The following CDC42SE2 variants were observed in gnomAD, a reference collection of about 807,000 sequenced individuals.
CDC42SE2 encodes CDC42 small effector 2.
Under a neutral mutation model 11.5 loss-of-function variants are expected in CDC42SE2, and 3 were observed. The observed-to-expected ratio is 0.26, with a 90% CI of 0.12 to 0.67. The LOEUF is 0.67. CDC42SE2 is among the 30% of genes least tolerant of loss of function. CDC42SE2 has a pLI of 0.80. For missense variants in CDC42SE2, 82 were observed against 106.8 expected (o/e 0.77, Z 1.02); for synonymous variants, 33 against 34.8 (o/e 0.95, Z 0.18).
At chr5:131,291,066 A>G (rs1454445385) in intron 1 of CDC42SE2, among the ~76,000 whole-genome samples, 1 of 152,154 alleles carries the variant, frequency 6.6e-6, no homozygotes. Flanking sequence ...AAATATTTAT[A>G]AGTGTGCCTG....
At chr5:131,322,432 G>T (rs1758211780) in intron 2 of CDC42SE2, among the ~76,000 whole-genome samples, 1 of 152,132 alleles carries the variant, frequency 6.6e-6, no homozygotes, top group African/African-American at 2.4e-5. Context: ...ATGTTTTTGT[G>T]ACTGGCTTAT....
intron 3 of CDC42SE2, among the ~76,000 whole-genome samples, chr5:131,375,876 GATT>G (rs1330701996): frequency 6.6e-6 from 1 of 152,020 alleles, no homozygotes; most frequent in African/African-American, 2.4e-5. Flanking sequence ...TATCAACTCA[GATT>G]ACCACCCATG....
intron 2 of CDC42SE2, among the ~76,000 whole-genome samples, chr5:131,345,572 T>A (rs1432657792): frequency 6.6e-6 from 1 of 152,148 alleles, no homozygotes. Context: ...TGGAAAACAC[T>A]CTGCAGGGTA....
Position 131,391,198 on chromosome 5 carries a change from A to G in CDC42SE2, c.*107A>G, listed in dbSNP as rs1410525418. 2.3e-6 allele frequency: 1 copy of G among 425,946 alleles called. No individual in the cohort carries two copies. The highest frequency in any genetic ancestry group is 5.0e-5 in the East Asian group (1 of 19,952). 26.4% of individuals were successfully genotyped at this position (425,946 alleles called of 1,614,324 possible). On this transcript the variant is annotated 3_prime_UTR_variant, in exon 5 of 5. Transcript: ENST00000505065. Reference sequence around the variant, plus strand: ...ATATGTATATATATATAATTTTTTAATGGTGAACTTATTGGGAAAGGCAAA... The same window carrying G: ...ATATGTATATATATATAATTTTTTAGTGGTGAACTTATTGGGAAAGGCAAA...
At chr5:131,235,994 C>T in the CDC42SE2 span, among the ~76,000 whole-genome samples, 1 of 152,118 alleles carries the variant, frequency 6.6e-6, no homozygotes, top group African/African-American at 2.4e-5. Flanking sequence ...AGTTAAAAAC[C>T]GTTTTTTATA....
At chr5:131,264,397 C>T (rs947470757) in intron 1 of CDC42SE2, among the ~76,000 whole-genome samples, 1 of 152,172 alleles carries the variant, frequency 6.6e-6, no homozygotes, top group African/African-American at 2.4e-5. Flanking sequence ...TCTTCTGTTT[C>T]CTCTGAGGAA....
the CDC42SE2 span, among the ~76,000 whole-genome samples, chr5:131,212,103 CTGTTTTTT>C: frequency 0.011 from 1,632 of 151,456 alleles, 33 homozygotes; most frequent in African/African-American, 0.037. Flanking sequence ...GGGTTTTTTT[CTGTTTTTT>C]TGTTTTTTTG....
intron 2 of CDC42SE2, among the ~76,000 whole-genome samples, chr5:131,335,247 G>T (rs1002668408): frequency 6.6e-6 from 1 of 152,162 alleles, no homozygotes; most frequent in East Asian, 1.9e-4. Flanking sequence ...TCAGGAACAG[G>T]TTGTTCAGTT....
chr5:131,332,119 C>T (rs1041573226), intron 2 of CDC42SE2, among the ~76,000 whole-genome samples: 1 of 152,092 alleles, frequency 6.6e-6, no homozygotes, highest in African/African-American at 2.4e-5. Context: ...CCTCCCCACT[C>T]CCCCCACTCC....
intron 1 of CDC42SE2, among the ~76,000 whole-genome samples, chr5:131,278,220 T>G (rs959503945): frequency 3.9e-5 from 6 of 152,144 alleles, no homozygotes; most frequent in African/African-American, 1.4e-4. Flanking sequence ...GATCCACATT[T>G]GGGAGATCCC....
chr5:131,244,529 GGTGAAACCCTGTC>G (rs2149681486), upstream of CDC42SE2, among the ~76,000 whole-genome samples: 1 of 152,076 alleles, frequency 6.6e-6, no homozygotes, highest in East Asian at 1.9e-4. Flanking sequence ...TAGCCAACAG[GGTGAAACCCTGTC>G]TCTACAAAAA....
intron 2 of CDC42SE2, among the ~76,000 whole-genome samples, chr5:131,330,958 C>T (rs371580389): frequency 1.3e-5 from 2 of 151,662 alleles, no homozygotes; most frequent in East Asian, 1.9e-4. Flanking sequence ...CCCAGGAGGT[C>T]GAGGCTGCAG....
At chr5:131,282,362 C>T (rs1295517184) in intron 1 of CDC42SE2, among the ~76,000 whole-genome samples, 1 of 152,134 alleles carries the variant, frequency 6.6e-6, no homozygotes, top group Non-Finnish European at 1.5e-5. Flanking sequence ...TAAACAATAG[C>T]AAGTTTCTCT....
At chr5:131,230,154 A>G in the CDC42SE2 span, among the ~76,000 whole-genome samples, 1 of 152,110 alleles carries the variant, frequency 6.6e-6, no homozygotes, top group African/African-American at 2.4e-5. Flanking sequence ...TCTAATGACA[A>G]TTCTGTCGCC....
chr5:131,383,209 T>G (rs1336911527), intron 3 of CDC42SE2, among the ~76,000 whole-genome samples: 1 of 152,180 alleles, frequency 6.6e-6, no homozygotes, highest in Non-Finnish European at 1.5e-5. Context: ...AGGGAGTCTT[T>G]GTATGAGGCA....
At chr5:131,210,831 A>T in the CDC42SE2 span, among the ~76,000 whole-genome samples, 1 of 151,626 alleles carries the variant, frequency 6.6e-6, no homozygotes, top group African/African-American at 2.4e-5. Flanking sequence ...CCTCACAAAA[A>T]CTCTCTAGTC....
chr5:131,384,803 C>T (rs1465705678), intron 3 of CDC42SE2, among the ~76,000 whole-genome samples: 2 of 151,458 alleles, frequency 1.3e-5, no homozygotes, highest in African/African-American at 4.9e-5. Context: ...GAAGAGTCAG[C>T]CAGGCGTAGT....
At chr5:131,228,459 T>C in the CDC42SE2 span, among the ~76,000 whole-genome samples, 2 of 152,202 alleles carry the variant, frequency 1.3e-5, no homozygotes, top group Non-Finnish European at 2.9e-5. Context: ...ATGAAGTCCA[T>C]TGGAATTCTG....
intron 2 of CDC42SE2, among the ~76,000 whole-genome samples, chr5:131,340,853 T>G (rs1279771712): frequency 6.6e-6 from 1 of 152,090 alleles, no homozygotes; most frequent in Non-Finnish European, 1.5e-5. Flanking sequence ...AATTTTTGTC[T>G]TTTTAGTAGA....
Sources: gnomAD v4.1 joint callset for allele counts (sites outside exome capture counted in the v4.1 genomes callset) on GRCh38, gnomAD v4.1.1 for gene constraint, MANE v1.5 for transcripts, NCBI Gene and HGNC (gene_info 2026-07-23, HGNC 2026-07-21) for gene names.